EXOC6B: variants seen among roughly 807,000 people sequenced by gnomAD.
EXOC6B encodes exocyst complex component 6B, also known as SEC15 homolog B.
Under a neutral mutation model 113.5 loss-of-function variants are expected in EXOC6B, and 54 were observed. That is an observed-to-expected ratio of 0.48 (90% confidence interval 0.38 to 0.60). The LOEUF (loss-of-function observed/expected upper bound fraction) is 0.60. EXOC6B is among the 20% of genes least tolerant of loss of function. EXOC6B has a pLI of 0.00. For synonymous variants in EXOC6B, 357 were observed against 339.0 expected, an observed-to-expected ratio of 1.05 and a Z score of -0.58; for missense variants, 797 against 977.5, an observed-to-expected ratio of 0.82 and a Z score of 2.46.
At chr2:72,782,139 CAAAAA>C (rs374201314) in intron 1 of EXOC6B, among the ~76,000 whole-genome samples, 14 of 65,294 alleles carry the variant, frequency 2.1e-4, no homozygotes, top group African/African-American at 6.4e-4. Flanking sequence ...GACTCACTCT[CAAAAA>C]AAAAAAAAAA....
At chr2:72,604,274 C>T (rs1670616221) in intron 6 of EXOC6B, among the ~76,000 whole-genome samples, 1 of 152,060 alleles carries the variant, frequency 6.6e-6, no homozygotes, top group Non-Finnish European at 1.5e-5. Flanking sequence ...AATCTTAAAC[C>T]CACTTAAATA....
intron 18 of EXOC6B, among the ~76,000 whole-genome samples, chr2:72,397,775 A>T (rs941210364): frequency 4.0e-4 from 61 of 152,078 alleles, no homozygotes; most frequent in Non-Finnish European, 7.8e-4. Flanking sequence ...AGATGTGCAC[A>T]TCATTAGCAT....
At chr2:72,254,317 G>A (rs1028675841) in intron 20 of EXOC6B, among the ~76,000 whole-genome samples, 3 of 152,174 alleles carry the variant, frequency 2.0e-5, no homozygotes, top group Non-Finnish European at 2.9e-5. Flanking sequence ...AAGACATGAG[G>A]AGAAGACAGA....
intron 18 of EXOC6B, among the ~76,000 whole-genome samples, chr2:72,382,839 G>T (rs191865573): frequency 2.6e-5 from 4 of 151,902 alleles, no homozygotes; most frequent in Admixed American, 1.3e-4. Context: ...GGATGCTATT[G>T]GTGTACAGGA....
chr2:72,316,541 G>T (rs1031333456), intron 20 of EXOC6B, among the ~76,000 whole-genome samples: 1 of 152,170 alleles, frequency 6.6e-6, no homozygotes, highest in Non-Finnish European at 1.5e-5. Flanking sequence ...GGAAAATGAT[G>T]AATCTATTTG....
chr2:72,253,049 A>G (rs1486117889), intron 20 of EXOC6B, among the ~76,000 whole-genome samples: 1 of 152,218 alleles, frequency 6.6e-6, no homozygotes, highest in East Asian at 1.9e-4. Context: ...AAGGACATGA[A>G]CACTTTTCAA....
intron 17 of EXOC6B, among the ~76,000 whole-genome samples, chr2:72,480,188 A>G (rs1489376323): frequency 6.8e-6 from 1 of 146,694 alleles, no homozygotes; most frequent in Non-Finnish European, 1.5e-5. Flanking sequence ...TGGGCAATAG[A>G]GCAAGATTTG....
At chr2:72,568,808 T>C (rs1474092093) in intron 7 of EXOC6B, among the ~76,000 whole-genome samples, 1 of 152,020 alleles carries the variant, frequency 6.6e-6, no homozygotes, top group Admixed American at 6.6e-5. Flanking sequence ...TATTCCACAG[T>C]TGCAGTTACT....
At chr2:72,655,336 T>C (rs1038647390) in intron 6 of EXOC6B, among the ~76,000 whole-genome samples, 41 of 151,896 alleles carry the variant, frequency 2.7e-4, no homozygotes, top group African/African-American at 9.4e-4. Flanking sequence ...ATTCTTTAAA[T>C]TTATAGATTT....
rs1440025058 is a variant in EXOC6B at position 72,515,144 on chromosome 2, A to G, written c.916-18T>C. On this transcript the variant is annotated intron_variant, in intron 8 of 21. Transcript: ENST00000272427. ...CGGGCACCCTGTAAATAAAGAAAAGAAAATGGGTTGACACAATTGGACCAA... is the reference window on the plus strand; with the variant it reads ...CGGGCACCCTGTAAATAAAGAAAAGGAAATGGGTTGACACAATTGGACCAA... The G allele has an allele frequency of 7.6e-6, 12 of 1,578,480 alleles. No individual in the cohort carries two copies. The highest frequency in any genetic ancestry group is 1.0e-5 in the Non-Finnish European group (12 of 1,159,476).
intron 6 of EXOC6B, among the ~76,000 whole-genome samples, chr2:72,657,478 T>C (rs1573569235): frequency 6.6e-6 from 1 of 150,850 alleles, no homozygotes; most frequent in South Asian, 2.1e-4. Context: ...GTGATCCGTC[T>C]GCCTCGGTCT....
At chr2:72,643,966 G>A (rs886645209) in intron 6 of EXOC6B, among the ~76,000 whole-genome samples, 1 of 152,070 alleles carries the variant, frequency 6.6e-6, no homozygotes, top group African/African-American at 2.4e-5. Context: ...GCTGACAGAA[G>A]TAGACTTCAG....
chr2:72,299,646 G>A (rs561379927), intron 20 of EXOC6B, among the ~76,000 whole-genome samples: 1 of 152,202 alleles, frequency 6.6e-6, no homozygotes, highest in East Asian at 1.9e-4. Context: ...CAGCCTTTTT[G>A]CGCTGGTTTC....
intron 1 of EXOC6B, among the ~76,000 whole-genome samples, chr2:72,785,996 G>A (rs1053212500): frequency 1.3e-5 from 2 of 152,198 alleles, no homozygotes; most frequent in Non-Finnish European, 2.9e-5. Context: ...AGCCAAGACA[G>A]GAGAATGGCT....
chr2:72,569,006 A>G (rs1311421693), intron 7 of EXOC6B, among the ~76,000 whole-genome samples: 2 of 152,074 alleles, frequency 1.3e-5, no homozygotes, highest in Non-Finnish European at 2.9e-5. Context: ...GAGTCCTAAT[A>G]TATCTTTACC....
chr2:72,215,697 G>A (rs1240766737), intron 20 of EXOC6B, among the ~76,000 whole-genome samples: 3 of 152,044 alleles, frequency 2.0e-5, no homozygotes, highest in Non-Finnish European at 4.4e-5. Flanking sequence ...CAGAACCTTT[G>A]GGATCAATAT....
intron 20 of EXOC6B, among the ~76,000 whole-genome samples, chr2:72,220,966 C>A (rs1427395385): frequency 6.6e-6 from 1 of 152,172 alleles, no homozygotes; most frequent in Non-Finnish European, 1.5e-5. Flanking sequence ...TTTGTCTTTT[C>A]TGTGTGCTAG....
chr2:72,182,888 A>G, intron 21 of EXOC6B: 1 of 1,231,134 alleles, frequency 8.1e-7, no homozygotes, highest in Non-Finnish European at 1.0e-6. Context: ...TGAATAATAT[A>G]CTTACTCTCT....
rs140039840 is a variant in EXOC6B at position 72,601,766 on chromosome 2, A to G, written c.670-26098T>C. ...TTCATAATGGCCAAACCTTAGAAGC[A>G]CCAAAGATGTCTTTTGGTAAGCAAA... On this transcript the variant is annotated intron_variant, in intron 6 of 21. Coordinates refer to ENST00000272427, the MANE Select transcript of EXOC6B (RefSeq NM_015189.3). 1.2e-4 allele frequency among the ~76,000 whole-genome samples: 19 copies of G among 152,332 alleles called. No individual in the cohort carries two copies. The East Asian group carries it at 3.7e-3, about 29-fold the overall frequency.
Sources: allele counts gnomAD v4.1 joint callset (sites outside exome capture counted in the v4.1 genomes callset), GRCh38; gene constraint gnomAD v4.1.1; transcripts MANE v1.5; gene names NCBI Gene and HGNC (gene_info 2026-07-23, HGNC 2026-07-21).